ASIC2: variants seen among roughly 807,000 people sequenced by gnomAD.
The protein encoded by ASIC2 is acid sensing ion channel subunit 2, also known as acid-sensing ion channel 2.
ASIC2 carries 25 observed loss-of-function variants against 57.3 expected under a neutral mutation model. The ratio of observed to expected loss-of-function variants is 0.44; its 90% CI spans 0.32 to 0.61. The LOEUF (loss-of-function observed/expected upper bound fraction) is 0.61. Among genes scored for constraint, ASIC2 ranks in the 20% least tolerant of loss-of-function variants. ASIC2 has a pLI of 0.06. For missense variants in ASIC2, 641 were observed against 738.1 expected (o/e 0.87, Z 1.52); for synonymous variants, 319 against 307.5 (o/e 1.04, Z -0.39).
chr17:33,956,153 AG>A lies in ASIC2; in HGVS notation c.555+199824del, dbSNP rs1360999180. ...AAAAATGAATCACTGAATAAAGGAAAGTCTTAGTGTTGAAGGAATGCTTGGG... is the reference window on the plus strand; with the variant it reads ...AAAAATGAATCACTGAATAAAGGAAATCTTAGTGTTGAAGGAATGCTTGGG... On this transcript the variant is annotated intron_variant, in intron 1 of 9. Coordinates refer to the ASIC2 transcript ENST00000359872. Among the ~76,000 whole-genome samples, 7 of 152,314 alleles carry A rather than the reference AG, an allele frequency of 4.6e-5. No homozygotes were observed. The East Asian group carries it at 1.2e-3, about 25-fold the overall frequency.
intron 1 of ASIC2, among the ~76,000 whole-genome samples, chr17:33,799,374 C>CT (rs1294553968): frequency 1.1e-4 from 11 of 99,428 alleles, no homozygotes; most frequent in African/African-American, 3.2e-4. Context: ...TTCTTTCTTT[C>CT]TTCCTTTCTT....
At chr17:34,149,599 C>A (rs987984938) in intron 1 of ASIC2, among the ~76,000 whole-genome samples, 1 of 152,088 alleles carries the variant, frequency 6.6e-6, no homozygotes, top group Non-Finnish European at 1.5e-5. Context: ...ATTCTAGGTG[C>A]CAAGAATACA....
intron 1 of ASIC2, among the ~76,000 whole-genome samples, chr17:34,059,418 G>T (rs192684830): frequency 6.6e-6 from 1 of 152,268 alleles, no homozygotes; most frequent in Admixed American, 6.5e-5. Flanking sequence ...AGGAGCAGAG[G>T]GTAAAACTCC....
At chr17:33,392,215 C>CTTCCTTCT (rs1909925870) in intron 1 of ASIC2, among the ~76,000 whole-genome samples, 1 of 139,572 alleles carries the variant, frequency 7.2e-6, no homozygotes, top group East Asian at 2.1e-4. Context: ...TCCTTCCTTC[C>CTTCCTTCT]TTCCTTCCTT....
chr17:33,352,427 G>T (rs1908222457), intron 1 of ASIC2, among the ~76,000 whole-genome samples: 1 of 152,250 alleles, frequency 6.6e-6, no homozygotes, highest in Admixed American at 6.5e-5. Flanking sequence ...TTCTTACCTT[G>T]TGCTTGCACC....
intron 1 of ASIC2, among the ~76,000 whole-genome samples, chr17:33,515,693 A>T (rs1315821395): frequency 6.6e-6 from 1 of 152,198 alleles, no homozygotes; most frequent in Non-Finnish European, 1.5e-5. Flanking sequence ...CTTAGCTGCA[A>T]GCTTAGCCCT....
chr17:33,622,576 A>G (rs1905836299), intron 1 of ASIC2, among the ~76,000 whole-genome samples: 1 of 152,168 alleles, frequency 6.6e-6, no homozygotes, highest in Non-Finnish European at 1.5e-5. Context: ...AATGGCAACT[A>G]AGCTATGTGT....
chr17:33,686,232 G>GA (rs1251233285), intron 1 of ASIC2, among the ~76,000 whole-genome samples: 4 of 152,140 alleles, frequency 2.6e-5, no homozygotes, highest in African/African-American at 9.7e-5. Flanking sequence ...ACAGGTAGCA[G>GA]AAAGATGGCC....
At chr17:33,861,262 C>A (rs193188005) in intron 1 of ASIC2, among the ~76,000 whole-genome samples, 57 of 152,106 alleles carry the variant, frequency 3.7e-4, no homozygotes, top group African/African-American at 1.4e-3. Context: ...TTTCGAATAA[C>A]GTAGAAAATA....
intron 1 of ASIC2, among the ~76,000 whole-genome samples, chr17:33,397,724 G>T (rs1225239605): frequency 1.3e-5 from 2 of 152,144 alleles, no homozygotes; most frequent in African/African-American, 4.8e-5. Flanking sequence ...CACCCCATCA[G>T]CAAAAGGTCA....
intron 1 of ASIC2, among the ~76,000 whole-genome samples, chr17:33,699,255 T>A (rs1908623482): frequency 6.6e-6 from 1 of 152,124 alleles, no homozygotes; most frequent in African/African-American, 2.4e-5. Context: ...AGAAGAGAAT[T>A]GATGCACCCA....
At chr17:34,034,254 C>A (rs1427248069) in intron 1 of ASIC2, among the ~76,000 whole-genome samples, 2 of 152,126 alleles carry the variant, frequency 1.3e-5, no homozygotes, top group Non-Finnish European at 2.9e-5. Context: ...GAACCAAAGA[C>A]AAAAACCACA....
At chr17:33,566,201 T>A (rs1916228793) in intron 1 of ASIC2, among the ~76,000 whole-genome samples, 1 of 152,228 alleles carries the variant, frequency 6.6e-6, no homozygotes, top group Non-Finnish European at 1.5e-5. Flanking sequence ...TCTGCCTAGC[T>A]CAGGACAAAT....
intron 1 of ASIC2, among the ~76,000 whole-genome samples, chr17:33,710,025 C>T (rs1207598769): frequency 6.6e-6 from 1 of 152,184 alleles, no homozygotes; most frequent in Non-Finnish European, 1.5e-5. Context: ...TCCACACATG[C>T]CATGAATTAA....
intron 1 of ASIC2, among the ~76,000 whole-genome samples, chr17:33,388,523 C>G (rs764898918): frequency 6.6e-6 from 1 of 152,194 alleles, no homozygotes; most frequent in Non-Finnish European, 1.5e-5. Flanking sequence ...CCCTCTACCC[C>G]ACTTCTCATG....
intron 1 of ASIC2, among the ~76,000 whole-genome samples, chr17:33,319,188 C>A (rs932867730): frequency 2.0e-5 from 3 of 152,210 alleles, no homozygotes; most frequent in African/African-American, 7.2e-5. Flanking sequence ...CACAGTCACA[C>A]CACTGCACTC....
At chr17:34,128,656 G>A (rs1911860001) in intron 1 of ASIC2, among the ~76,000 whole-genome samples, 1 of 152,218 alleles carries the variant, frequency 6.6e-6, no homozygotes, top group African/African-American at 2.4e-5. Context: ...AGATAAGCAA[G>A]TTATTATTGT....
chr17:33,014,733 G>A (rs2091796805), intron 9 of ASIC2, among the ~76,000 whole-genome samples: 1 of 152,150 alleles, frequency 6.6e-6, no homozygotes, highest in African/African-American at 2.4e-5. Context: ...ATTTGATAGG[G>A]CCACAACTAG....
At chr17:33,440,839 A>C (rs374226962) in intron 1 of ASIC2, among the ~76,000 whole-genome samples, 11 of 152,344 alleles carry the variant, frequency 7.2e-5, no homozygotes, top group African/African-American at 2.6e-4. Flanking sequence ...GAGTTATAAG[A>C]GTTCTTCACA....
Sources: gnomAD v4.1 joint callset for allele counts (sites outside exome capture counted in the v4.1 genomes callset) on GRCh38, gnomAD v4.1.1 for gene constraint, MANE v1.5 for transcripts, NCBI Gene and HGNC (gene_info 2026-07-23, HGNC 2026-07-21) for gene names.